The following SYS1 variants were observed in gnomAD, a reference collection of about 807,000 sequenced individuals.
SYS1 encodes SYS1 golgi trafficking protein.
A neutral mutation model predicts 17.8 loss-of-function variants in SYS1; 8 were observed. The ratio of observed to expected loss-of-function variants is 0.45; its 90% confidence interval spans 0.26 to 0.81. The LOEUF (loss-of-function observed/expected upper bound fraction) is 0.81, where lower values mean the gene tolerates loss of function less well. Ranked by LOEUF, SYS1 falls within the 40% of genes least tolerant of loss-of-function variation. SYS1 has a pLI of 0.16. For missense variants in SYS1, 161 were observed against 203.9 expected (o/e 0.79, Z 1.28); for synonymous variants, 95 against 90.9 (o/e 1.05, Z -0.26).
rs1268418515 is a variant in SYS1 at position 45,367,427 on chromosome 20, A to AAG, written c.*318_*319dup. 1.7e-6 allele frequency: 2 copies of AAG among 1,167,100 alleles called. No homozygotes were observed. Among genetic ancestry groups the AAG allele is most frequent in the Non-Finnish European group, 2.1e-6 (2 of 939,426 alleles). The allele number at this position is 1,167,100 out of a possible 1,614,324, so 72.3% of individuals were successfully genotyped here. On this transcript the variant is annotated 3_prime_UTR_variant, in exon 4 of 4. Transcript: ENST00000243918. ...ATACCTGTCACCAGCCTGTTGTTTTAAGAGAGAAAAAAAATCAAGGATATC... is the reference window on the plus strand; with the variant it reads ...ATACCTGTCACCAGCCTGTTGTTTTAAGAGAGAGAAAAAAAATCAAGGATATC...
In SYS1 at chr20:45,363,163, ACGCAGCCG is replaced by A. The variant is rs1392082208; in HGVS notation, c.-154_-147del. 9.7e-7 allele frequency: 1 copy of A among 1,033,658 alleles called. No homozygotes were observed. Among genetic ancestry groups the A allele is most frequent in the African/African-American group, 1.7e-5 (1 of 58,480 alleles). 64.0% of individuals were successfully genotyped at this position (1,033,658 alleles called of 1,614,324 possible). On this transcript the variant is annotated 5_prime_UTR_variant, in exon 1 of 4. Transcript: ENST00000243918. ...CTTTCCCCGGAAACGTTTCTTTCCTACGCAGCCGCTCCTGCCGCCGTGGTCGCTGGAGC... is the reference window on the plus strand; with the variant it reads ...CTTTCCCCGGAAACGTTTCTTTCCTACTCCTGCCGCCGTGGTCGCTGGAGC...
Position 45,368,241 on chromosome 20 carries a change from C to T in SYS1, c.*1126C>T, listed in dbSNP as rs1403541804. ...TTCCTGGACCCCAGAGTCATTCCTCCATTTGGTTAAAATACTCAGTGCAGG... is the reference window on the plus strand; with the variant it reads ...TTCCTGGACCCCAGAGTCATTCCTCTATTTGGTTAAAATACTCAGTGCAGG... On this transcript the variant is annotated 3_prime_UTR_variant, in exon 4 of 4. Coordinates refer to ENST00000243918, the MANE Select transcript of SYS1 (RefSeq NM_033542.4). 1.0e-6 allele frequency: 1 copy of T among 985,324 alleles called. No homozygotes were observed. The highest frequency in any genetic ancestry group is 1.2e-6 in the Non-Finnish European group (1 of 829,958). The allele number at this position is 985,324 out of a possible 1,614,324, so 61.0% of individuals were successfully genotyped here.
At chr20:45,372,141 G>A (rs942008393), downstream of SYS1, among the ~76,000 whole-genome samples, 1 of 152,230 alleles carries the variant, frequency 6.6e-6, no homozygotes, top group African/African-American at 2.4e-5. Flanking sequence ...CAAAGAGAGG[G>A]TGGTAGTGGG....
At chr20:45,362,360 TTTATTTA>T (rs1988250124), upstream of SYS1, among the ~76,000 whole-genome samples, 1 of 150,654 alleles carries the variant, frequency 6.6e-6, no homozygotes, top group African/African-American at 2.5e-5. Flanking sequence ...TATTTATTTA[TTTATTTA>T]TTTATTTATT....
chr20:45,363,244 C>T lies in SYS1; in HGVS notation c.-75C>T. 8.4e-7 allele frequency: 1 copy of T among 1,190,492 alleles called. No individual in the cohort carries two copies. The highest frequency in any genetic ancestry group is 1.0e-6 in the Non-Finnish European group (1 of 954,176). 73.7% of individuals were successfully genotyped at this position (1,190,492 alleles called of 1,614,324 possible). On this transcript the variant is annotated 5_prime_UTR_variant, in exon 1 of 4. Coordinates refer to ENST00000243918, the MANE Select transcript of SYS1 (RefSeq NM_033542.4). ...GCCTCTCCTCCATGGTCCTGTCTGT[C>T]AGCGCTGTTTTGGGAGCCCGCCGGT...
At position 45,367,095 on chromosome 20, in the gene SYS1, G is replaced by GC. The variant is rs1205601677; in HGVS notation, c.455dup (p.Lys153Ter). The GC allele has an allele frequency of 3.7e-6, 6 of 1,614,170 alleles. No individual in the cohort carries two copies. The highest frequency in any genetic ancestry group is 5.1e-6 in the Non-Finnish European group (6 of 1,180,038). ...GCTCAAGGAGATACCCCTCAACTCA[G>GC]CCCCTAAATCCAATGTCTAGAATCA... is the stretch of plus-strand genomic sequence containing the variant. On this transcript the variant is annotated frameshift_variant, in exon 4 of 4. Coordinates refer to ENST00000243918, the MANE Select transcript of SYS1 (RefSeq NM_033542.4). LOFTEE classifies it high-confidence loss of function.
chr20:45,364,636 T>C (rs1988349500), intron 2 of SYS1, among the ~76,000 whole-genome samples: 1 of 151,654 alleles, frequency 6.6e-6, no homozygotes, highest in Admixed American at 6.6e-5. Flanking sequence ...TACGCCCGGC[T>C]AATTTTTTGT....
At chr20:45,374,358 G>A (rs932020969) in exon 4 of SYS1, 8 of 662,386 alleles carry the variant, frequency 1.2e-5, no homozygotes, top group African/African-American at 7.3e-5. Context: ...CTGCAGCCTC[G>A]ACTCCTGGGC....
chr20:45,374,038 C>G, downstream of SYS1: 1 of 1,609,990 alleles, frequency 6.2e-7, no homozygotes. Flanking sequence ...CGGTGTTAGG[C>G]GCTAAGACTG....
At chr20:45,366,564 A>G (rs971812956) in intron 3 of SYS1, among the ~76,000 whole-genome samples, 1 of 152,186 alleles carries the variant, frequency 6.6e-6, no homozygotes, top group African/African-American at 2.4e-5. Context: ...TAGCATGATA[A>G]GATTTGCCTA....
At chr20:45,369,596 CTT>C (rs573922300), downstream of SYS1, among the ~76,000 whole-genome samples, 17 of 102,880 alleles carry the variant, frequency 1.7e-4, no homozygotes, top group African/African-American at 5.8e-4. Flanking sequence ...CAGAGATTTC[CTT>C]TTTTTTTTTT....
downstream of SYS1, chr20:45,373,882 C>A: frequency 6.3e-7 from 1 of 1,596,464 alleles, no homozygotes; most frequent in Non-Finnish European, 8.6e-7. Flanking sequence ...AAGCAGTATT[C>A]GTCTTAGGTG....
At position 45,375,655 on chromosome 20, in the gene SYS1, G is replaced by C. The variant is rs1988709351; in HGVS notation, c.*1361G>C. ...CAGGGGAGCCTGTTAAGAAAGGCTA[G>C]AGGGGCCTGCAAAGAAACTTCTCTA... On this transcript the variant is annotated 3_prime_UTR_variant, in exon 4 of 4. Transcript: ENST00000426004. The C allele has an allele frequency of 2.8e-6, 4 of 1,430,600 alleles. No individual in the cohort carries two copies. In the South Asian group the frequency reaches 5.6e-5, roughly 20 times the overall value. The allele number at this position is 1,430,600 out of a possible 1,614,324, so 88.6% of individuals were successfully genotyped here.
At position 45,363,624 on chromosome 20, in the gene SYS1, C is replaced by T. The variant is rs1988299660; in HGVS notation, c.93C>T (p.Gly31=). Reference sequence around the variant, plus strand: ...AGACCGTGTATTACGGCTCGCTGGGCCTGTGGCTGGCGCTGGTGGACGGGC... The same window carrying T: ...AGACCGTGTATTACGGCTCGCTGGGTCTGTGGCTGGCGCTGGTGGACGGGC... The part of the protein sequence containing the change: ...LMQTVYYGSL[G]LWLALVDGLV... The change falls in exon 2 of 4, where the codon GGC becomes GGT. Residue 31 remains glycine, a synonymous_variant. Transcript: ENST00000243918. 1.3e-6 allele frequency: 2 copies of T among 1,587,786 alleles called. No homozygotes were observed. The highest frequency in any genetic ancestry group is 2.3e-5 in the South Asian group (2 of 87,712).
At chr20:45,365,232 A>G in intron 2 of SYS1, 1 of 338,692 alleles carries the variant, frequency 3.0e-6, no homozygotes, top group South Asian at 2.4e-5. Context: ...GCTATAGACA[A>G]ATATATAAGT....
At position 45,366,956 on chromosome 20, in the gene SYS1, G is replaced by A; in HGVS notation, c.312G>A (p.Leu104=). Residue 104 remains leucine, a synonymous_variant, in exon 4 of 4, where the codon CTG becomes CTA. Coordinates refer to ENST00000243918, the MANE Select transcript of SYS1 (RefSeq NM_033542.4). ...TCACTGTCCATTTCTTTCACCTCCTGGGCTGCTGGTTCTACAGCTCCCGTT... is the reference window on the plus strand; with the variant it reads ...TCACTGTCCATTTCTTTCACCTCCTAGGCTGCTGGTTCTACAGCTCCCGTT... ...FTVTVHFFHL[L]GCWFYSSRFP... The A allele has an allele frequency of 6.2e-7, 1 of 1,614,158 alleles. No individual in the cohort carries two copies. The highest frequency in any genetic ancestry group is 8.5e-7 in the Non-Finnish European group (1 of 1,180,030).
At chr20:45,365,770 G>C in intron 3 of SYS1, 84 bp downstream of exon 3, 4 of 1,408,936 alleles carry the variant, frequency 2.8e-6, no homozygotes, top group Admixed American at 1.7e-5. Flanking sequence ...AGACAGGCTG[G>C]CACTTGTTTC....
rs1278853220 is a variant in SYS1 at position 45,367,724 on chromosome 20, C to T, written c.*609C>T. Reference sequence around the variant, plus strand: ...GCCCTGTTATACACACGTTCATGTGCACCCAAGAACCTATGACTTTCTTCC... The same window carrying T: ...GCCCTGTTATACACACGTTCATGTGTACCCAAGAACCTATGACTTTCTTCC... On this transcript the variant is annotated 3_prime_UTR_variant, in exon 4 of 4. Transcript: ENST00000243918. The T allele has an allele frequency of 1.0e-6, 1 of 986,848 alleles. No homozygotes were observed. Among genetic ancestry groups the T allele is most frequent in the African/African-American group, 1.7e-5 (1 of 57,230 alleles). 61.1% of individuals were successfully genotyped at this position (986,848 alleles called of 1,614,324 possible). A position where few individuals can be genotyped will look rare whatever the true frequency, so the allele number is the denominator to read the frequency against.
downstream of SYS1, chr20:45,373,654 C>T (rs2145364281): frequency 1.8e-6 from 1 of 544,054 alleles, no homozygotes; most frequent in Non-Finnish European, 3.3e-6. Flanking sequence ...ACTTTGCACC[C>T]AGGAAGCACA....
Sources: gnomAD v4.1 joint callset for allele counts (sites outside exome capture counted in the v4.1 genomes callset) on GRCh38, gnomAD v4.1.1 for gene constraint, MANE v1.5 for transcripts, NCBI Gene and HGNC (gene_info 2026-07-23, HGNC 2026-07-21) for gene names.